The following RYR1 variants were observed in gnomAD, a reference collection of about 807,000 sequenced individuals.
The protein encoded by RYR1 is ryanodine receptor 1.
A neutral mutation model predicts 583.5 loss-of-function variants in RYR1; 342 were observed. That is an observed-to-expected ratio of 0.59 (90% CI 0.54 to 0.64). The LOEUF (loss-of-function observed/expected upper bound fraction) is 0.64. RYR1 is among the 30% of genes least tolerant of loss of function. The pLI is 0.00. For missense variants in RYR1, 6,032 were observed against 6,917.2 expected, an observed-to-expected ratio of 0.87 and a Z score of 4.54; for synonymous variants, 2,791 against 2,822.5, an observed-to-expected ratio of 0.99 and a Z score of 0.35.
At position 38,523,267 on chromosome 19, in the gene RYR1, C is replaced by T. The variant is rs1335486327; in HGVS notation, c.10398C>T (p.Asn3466=). Residue 3466 remains asparagine, a synonymous_variant, in exon 69 of 106, where the codon AAC becomes AAT. Transcript: ENST00000359596. The stretch of plus-strand genomic sequence containing the variant: ...TTGTGGTCCAGAATGAGATCAACAA[C>T]ATGTCCTTCCTGACTGCTGACAACA... ...QNFVVQNEIN[N]MSFLTADNKS... 3.7e-6 allele frequency: 6 copies of T among 1,614,156 alleles called. No homozygotes were observed. The African/African-American group carries it at 8.0e-5, about 22-fold the overall frequency.
chr19:38,482,389 A>G (rs1969053906), intron 31 of RYR1, among the ~76,000 whole-genome samples: 3 of 152,198 alleles, frequency 2.0e-5, no homozygotes, highest in Middle Eastern at 3.4e-3. Context: ...GTGGAGGCAG[A>G]GGCTGGCTGG....
At chr19:38,505,644 T>C (rs1006734114) in intron 53 of RYR1, among the ~76,000 whole-genome samples, 162 bp from the exon 54 acceptor site, 2 of 151,872 alleles carry the variant, frequency 1.3e-5, no homozygotes, top group Non-Finnish European at 2.9e-5. Context: ...GATAAGGAGA[T>C]TGGGTTTGGG....
intron 34 of RYR1, among the ~76,000 whole-genome samples, chr19:38,486,462 G>GC (rs1488795432): frequency 6.6e-6 from 1 of 152,112 alleles, no homozygotes; most frequent in Admixed American, 6.5e-5. Flanking sequence ...TCCTGCCTCA[G>GC]CCCCCCGAGT....
rs747745732 is a variant in RYR1, at chr19:38,459,180, G to A, written c.2202G>A (p.Gln734=). The A allele has an allele frequency of 4.3e-6, 7 of 1,613,922 alleles. No individual in the cohort carries two copies. The South Asian group carries it at 7.7e-5, about 18-fold the overall frequency. Residue 734 remains glutamine (Q), a synonymous_variant, in exon 19 of 106, where the codon CAG becomes CAA. Coordinates refer to ENST00000359596, the MANE Select transcript of RYR1 (RefSeq NM_000540.3). ...CACGCCCAGTGACTTCCCCAGGGCA[G>A]CACCTCCTGGCCCCTGAAGACGTGA... ...HVARPVTSPG[Q]HLLAPEDVIS...
At position 38,532,663 on chromosome 19, in the gene RYR1, C is replaced by T. The variant is rs752642765; in HGVS notation, c.11194-8C>T. On this transcript the variant is annotated splice_region_variant and splice_polypyrimidine_tract_variant and intron_variant, in intron 77 of 105. Coordinates refer to ENST00000359596, the MANE Select transcript of RYR1 (RefSeq NM_000540.3). ...TTGTTCATCCCTTAACTGATGCCCC[C>T]TCCCCAGAGCTGCCACCTGGAGGAG... 1.2e-6 allele frequency: 2 copies of T among 1,614,120 alleles called. No homozygotes were observed. The highest frequency in any genetic ancestry group is 1.7e-5 in the Admixed American group (1 of 60,014).
chr19:38,446,491 C>T lies in RYR1; in HGVS notation c.651C>T (p.His217=), dbSNP rs762632406. 22 of 1,613,832 alleles carry T rather than the reference C, an allele frequency of 1.4e-5. No individual in the cohort carries two copies. The highest frequency in any genetic ancestry group is 1.8e-5 in the Non-Finnish European group (21 of 1,179,810). ...CTCCAGGCTTCGTGACGGGAGGTCACGTCCTCCGCCTCTTTCATGGACATA... is the reference window on the plus strand; with the variant it reads ...CTCCAGGCTTCGTGACGGGAGGTCATGTCCTCCGCCTCTTTCATGGACATA... ...RCEEGFVTGG[H]VLRLFHGHMD... The change falls in exon 8 of 106, where the codon CAC becomes CAT. Residue 217 remains histidine (H), a synonymous_variant. Transcript: ENST00000359596.
Position 38,511,616 on chromosome 19 carries a change from T to C in RYR1, c.9172+6T>C. On this transcript the variant is annotated splice_donor_region_variant and intron_variant, in intron 61 of 105. Coordinates refer to ENST00000359596, the MANE Select transcript of RYR1 (RefSeq NM_000540.3). ...CCACCGAGTCTCTCTCTTTGGTAAG[T>C]GGCTCCACACCTTCGGTCTTCCTCC... 2 of 1,614,094 alleles carry C rather than the reference T, an allele frequency of 1.2e-6. No homozygotes were observed. Among genetic ancestry groups the C allele is most frequent in the South Asian group, 1.1e-5 (1 of 91,082 alleles).
rs145359160 is a variant in RYR1 at position 38,519,201 on chromosome 19, C to T, written c.10019-13C>T. ...GGCCGGAGGTGGCATCAGAGCCCAT[C>T]GCACCCCTGCAGTGTTCGCACAGCC... On this transcript the variant is annotated splice_polypyrimidine_tract_variant and intron_variant, in intron 66 of 105. Transcript: ENST00000359596. The T allele has an allele frequency of 3.3e-5, 53 of 1,614,060 alleles. No individual in the cohort carries two copies. In the African/African-American group the frequency reaches 5.3e-4, roughly 16 times the overall value.
intron 72 of RYR1, 47 bp downstream of exon 72, chr19:38,527,099 C>T (rs774177835): frequency 3.1e-6 from 5 of 1,591,972 alleles, no homozygotes; most frequent in Non-Finnish European, 4.3e-6. Flanking sequence ...CAGAAAGTAA[C>T]CACAATATTA....
intron 20 of RYR1, among the ~76,000 whole-genome samples, chr19:38,463,188 G>A (rs1411783274): frequency 8.3e-6 from 1 of 120,822 alleles, no homozygotes; most frequent in African/African-American, 3.3e-5. Context: ...GATTACAGAT[G>A]TGAGCCACTA....
At chr19:38,464,419 G>A (rs766938376) in intron 22 of RYR1, among the ~76,000 whole-genome samples, 14 of 152,050 alleles carry the variant, frequency 9.2e-5, no homozygotes, top group Non-Finnish European at 1.5e-4. Context: ...GGAGAAAGTG[G>A]CAGACAGGAA....
chr19:38,574,992 A>G (rs993591004), intron 96 of RYR1, among the ~76,000 whole-genome samples: 4 of 149,924 alleles, frequency 2.7e-5, no homozygotes, highest in African/African-American at 7.4e-5. Context: ...GTGAGCCCAG[A>G]TGGCACCACT....
At position 38,496,083 on chromosome 19, in the gene RYR1, T is replaced by A. The variant is rs961374526; in HGVS notation, c.6549-132T>A. Reference sequence around the variant, plus strand: ...CGGCCAGCTGTAGGAATTGAGTGAGTTCAGATCTGTAAAGGCGGTGGTGCT... The same window carrying A: ...CGGCCAGCTGTAGGAATTGAGTGAGATCAGATCTGTAAAGGCGGTGGTGCT... On this transcript the variant is annotated intron_variant, in intron 39 of 105. Coordinates refer to ENST00000359596, the MANE Select transcript of RYR1 (RefSeq NM_000540.3). The surrounding 1 kb of genome is among the most constrained non-coding windows in gnomAD (Gnocchi z 4.8). 2.5e-6 allele frequency: 2 copies of A among 788,006 alleles called. No homozygotes were observed. The highest frequency in any genetic ancestry group is 4.3e-6 in the Non-Finnish European group (2 of 461,966). The allele number at this position is 788,006 out of a possible 1,614,324, so 48.8% of individuals were successfully genotyped here. A position where few individuals can be genotyped will look rare whatever the true frequency, so the allele number is the denominator to read the frequency against.
At chr19:38,503,073 A>G (rs944177183) in intron 49 of RYR1, 103 bp downstream of exon 49, 13 of 1,098,732 alleles carry the variant, frequency 1.2e-5, no homozygotes, top group Admixed American at 3.8e-5. Context: ...GCCCAGCCCA[A>G]TAAACCTGCA....
At chr19:38,525,644 T>C in intron 71 of RYR1, 142 bp downstream of exon 71, 4 of 936,772 alleles carry the variant, frequency 4.3e-6, no homozygotes, top group East Asian at 2.6e-5. Context: ...ACTGAGTTCT[T>C]TTCCGGGATG....
Position 38,580,096 on chromosome 19 carries a change from A to G in RYR1, c.14479A>G (p.Ile4827Val). The change falls in exon 100 of 106, where the codon ATC becomes GTC. Residue 4827 changes from isoleucine (I) to valine (V), a missense_variant. Around this residue, in one of 11 missense-constraint regions of RYR1, gnomAD observed 189 missense variants for 350.3 expected, o/e 0.54. Coordinates refer to ENST00000359596, the MANE Select transcript of RYR1 (RefSeq NM_000540.3). ...CATGGGGGTCAAGACGCTGCGCACC[A>G]TCCTGTCCTCTGTCACCCACAATGG... is the stretch of plus-strand genomic sequence containing the variant. Reference protein sequence around the residue: ...IAMGVKTLRTILSSVTHNGKQ... With the variant: ...IAMGVKTLRTVLSSVTHNGKQ... The G allele has an allele frequency of 1.2e-6, 2 of 1,614,130 alleles. No individual in the cohort carries two copies. Among genetic ancestry groups the G allele is most frequent in the African/African-American group, 1.3e-5 (1 of 75,014 alleles).
rs766135560 is a variant in RYR1 at position 38,475,362 on chromosome 19, C to T, written c.4205C>T (p.Pro1402Leu). 14 of 1,611,270 alleles carry T rather than the reference C, an allele frequency of 8.7e-6. No individual in the cohort carries two copies. The highest frequency in any genetic ancestry group is 5.0e-5 in the Admixed American group (3 of 59,568). Residue 1402 changes from proline to leucine, a missense_variant, in exon 29 of 106, where the codon CCG (proline) becomes CTG (leucine). Pro to Leu is a moderately conservative substitution (Grantham distance 98). Coordinates refer to ENST00000359596, the MANE Select transcript of RYR1 (RefSeq NM_000540.3). ...AAGGTCGCCATGATGACCCAGCCAC[C>T]GGCCACCCCCACGCTGCCCCGACTC... The part of the protein sequence containing the change: ...AKKVAMMTQP[P>L]ATPTLPRLPH...
chr19:38,443,953 G>C lies in RYR1; in HGVS notation c.424+157G>C, dbSNP rs111810050. On this transcript the variant is annotated intron_variant, in intron 5 of 105. Coordinates refer to ENST00000359596, the MANE Select transcript of RYR1 (RefSeq NM_000540.3). ...GTCTGCGGTACAGTCCAGACAGGGA[G>C]ACAGACACACGTTGGGGACCACTAG... Among the ~76,000 whole-genome samples, 1,431 of 152,228 alleles carry C rather than the reference G, an allele frequency of 9.4e-3. 12 individuals carry two copies. Among genetic ancestry groups the C allele is most frequent in the African/African-American group, 0.032 (1,342 of 41,520 alleles).
At chr19:38,455,127 C>T in intron 13 of RYR1, 108 bp from the exon 14 acceptor site, 2 of 1,321,000 alleles carry the variant, frequency 1.5e-6, no homozygotes, top group South Asian at 1.2e-5. Context: ...GATCTGGGAA[C>T]ACACCGTCAC....
Sources: gnomAD v4.1 joint callset for allele counts (sites outside exome capture counted in the v4.1 genomes callset) on GRCh38, gnomAD v4.1.1 for gene constraint, gnomAD v4.1.1 regional missense constraint, Gnocchi (gnomAD v3.1) non-coding constraint, MANE v1.5 for transcripts, NCBI Gene and HGNC (gene_info 2026-07-23, HGNC 2026-07-21) for gene names.